Variants in MSRA observed in about 807,000 individuals in gnomAD.
MSRA encodes the protein methionine sulfoxide reductase A, also known as mitochondrial peptide methionine sulfoxide reductase.
MSRA carries 54 observed loss-of-function variants against 31.3 expected under a neutral mutation model. The observed-to-expected ratio is 1.73, with a 90% confidence interval of 1.39 to 2.17. MSRA has a LOEUF of 2.17. MSRA is among the 30% of genes most tolerant of loss of function. The pLI is 0.00. For missense variants in MSRA, 507 were observed against 300.9 expected, an observed-to-expected ratio of 1.69 and a Z score of -5.07; for synonymous variants, 169 against 116.5, an observed-to-expected ratio of 1.45 and a Z score of -2.90.
At chr8:10,401,411 TA>T (rs1394940798) in intron 5 of MSRA, among the ~76,000 whole-genome samples, 4 of 152,088 alleles carry the variant, frequency 2.6e-5, no homozygotes, top group African/African-American at 9.7e-5. Context: ...AAACAGAGAA[TA>T]ATAAGTGTTG....
intron 5 of MSRA, among the ~76,000 whole-genome samples, chr8:10,421,344 A>T (rs1808799726): frequency 6.6e-6 from 1 of 152,160 alleles, no homozygotes; most frequent in Admixed American, 6.5e-5. Flanking sequence ...ACGTGAATAG[A>T]GGGTGGAAGC....
At chr8:10,262,548 T>C (rs1484791999) in intron 3 of MSRA, among the ~76,000 whole-genome samples, 1 of 152,242 alleles carries the variant, frequency 6.6e-6, no homozygotes, top group Non-Finnish European at 1.5e-5. Context: ...TCAGATCTTT[T>C]GCCCATTTTT....
At chr8:10,294,846 CCG>C (rs1380392348) in intron 3 of MSRA, among the ~76,000 whole-genome samples, 1 of 152,040 alleles carries the variant, frequency 6.6e-6, no homozygotes, top group Non-Finnish European at 1.5e-5. Context: ...ACCCTGAGCA[CCG>C]GGACCAGGGC....
In MSRA at chr8:10,350,145, T is replaced by A. The variant is rs1804036012; in HGVS notation, c.543+30156T>A. ...AATCATTAGCCACAATCTGGAGACC[T>A]ACGAGTGGAATTTGGTCTGCAGTCT... On this transcript the variant is annotated intron_variant, in intron 5 of 5. Transcript: ENST00000317173. Among the ~76,000 whole-genome samples, 3 of 152,242 alleles carry A rather than the reference T, an allele frequency of 2.0e-5. No homozygotes were observed. In the South Asian group the frequency reaches 6.2e-4, roughly 32 times the overall value.
intron 5 of MSRA, among the ~76,000 whole-genome samples, chr8:10,333,200 C>T (rs1802808544): frequency 6.6e-6 from 1 of 152,212 alleles, no homozygotes; most frequent in South Asian, 2.1e-4. Flanking sequence ...CACACTCCTA[C>T]TCATCTTTCA....
At chr8:10,159,508 C>T (rs1410883397) in intron 1 of MSRA, among the ~76,000 whole-genome samples, 1 of 152,122 alleles carries the variant, frequency 6.6e-6, no homozygotes, top group Admixed American at 6.6e-5. Context: ...GATGCTTTTG[C>T]CCTTTTAGAA....
At chr8:10,066,745 G>T (rs973370998) in intron 1 of MSRA, among the ~76,000 whole-genome samples, 1 of 151,958 alleles carries the variant, frequency 6.6e-6, no homozygotes, top group African/African-American at 2.4e-5. Flanking sequence ...ATGTTGGCCG[G>T]GCTGGTCTCG....
chr8:10,167,539 C>T (rs554362154), intron 1 of MSRA, among the ~76,000 whole-genome samples: 4 of 152,166 alleles, frequency 2.6e-5, no homozygotes, highest in Admixed American at 1.3e-4. Flanking sequence ...CTGTGTGCGC[C>T]GCATGATAAT....
intron 2 of MSRA, among the ~76,000 whole-genome samples, chr8:10,236,423 A>C (rs79505445): frequency 0.018 from 2,732 of 152,350 alleles, 86 homozygotes; most frequent in African/African-American, 0.06. Flanking sequence ...TGGAAGGTAT[A>C]CTAAAATCAG....
intron 1 of MSRA, among the ~76,000 whole-genome samples, chr8:10,153,928 T>C (rs188682422): frequency 3.0e-4 from 45 of 152,374 alleles, no homozygotes; most frequent in Middle Eastern, 3.4e-3. Flanking sequence ...TTTAACATTA[T>C]ATAGAAATAA....
chr8:10,204,689 T>C (rs920079011), intron 1 of MSRA, among the ~76,000 whole-genome samples: 2 of 152,350 alleles, frequency 1.3e-5, no homozygotes, highest in East Asian at 3.9e-4. Flanking sequence ...CCTGAATATA[T>C]CCCTGTTGTT....
chr8:10,354,363 G>A (rs1421421642), intron 5 of MSRA, among the ~76,000 whole-genome samples: 3 of 152,190 alleles, frequency 2.0e-5, no homozygotes, highest in Admixed American at 6.5e-5. Context: ...ACACAAATGC[G>A]AGGACACAAC....
At chr8:10,276,063 C>G (rs997211564) in intron 3 of MSRA, among the ~76,000 whole-genome samples, 3 of 152,184 alleles carry the variant, frequency 2.0e-5, no homozygotes, top group African/African-American at 7.2e-5. Context: ...CCTCTCGCTC[C>G]GTGTCTGGGC....
intron 5 of MSRA, among the ~76,000 whole-genome samples, chr8:10,340,287 G>C (rs1008298836): frequency 5.3e-5 from 8 of 152,042 alleles, no homozygotes; most frequent in Non-Finnish European, 1.0e-4. Context: ...CCAGGGTATT[G>C]AACTAGATTT....
intron 2 of MSRA, among the ~76,000 whole-genome samples, chr8:10,224,107 T>G (rs753061915): frequency 2.0e-5 from 3 of 152,132 alleles, no homozygotes; most frequent in Non-Finnish European, 4.4e-5. Context: ...AATATGTACG[T>G]TTTATAGGGT....
chr8:10,425,086 TC>T (rs1020859375), intron 5 of MSRA, among the ~76,000 whole-genome samples: 1 of 151,802 alleles, frequency 6.6e-6, no homozygotes, highest in African/African-American at 2.4e-5. Context: ...GTGGTCCCTT[TC>T]CCCTTCTTTC....
In MSRA at chr8:10,076,526, T is replaced by C. The variant is rs182681189; in HGVS notation, c.142+21868T>C. Among the ~76,000 whole-genome samples, 4 of 152,344 alleles carry C rather than the reference T, an allele frequency of 2.6e-5. No homozygotes were observed. The East Asian group carries it at 5.8e-4, about 22-fold the overall frequency. On this transcript the variant is annotated intron_variant, in intron 1 of 5. Coordinates refer to ENST00000317173, the MANE Select transcript of MSRA (RefSeq NM_012331.5). Reference sequence around the variant, plus strand: ...GAAAAGATTCTCTCAAAATGACTCTTGATGGTCAACATGGGTGTGCATTTA... The same window carrying C: ...GAAAAGATTCTCTCAAAATGACTCTCGATGGTCAACATGGGTGTGCATTTA...
chr8:10,171,821 C>G (rs1005361069), intron 1 of MSRA, among the ~76,000 whole-genome samples: 28 of 152,156 alleles, frequency 1.8e-4, no homozygotes, highest in African/African-American at 6.8e-4. Flanking sequence ...ATTCTGTTAA[C>G]AACTGCTTGA....
chr8:10,400,367 G>GTC (rs1563437472), intron 5 of MSRA, among the ~76,000 whole-genome samples: 1 of 31,574 alleles, frequency 3.2e-5, no homozygotes, highest in African/African-American at 4.8e-5. Context: ...GGCTCTGTGT[G>GTC]TGTGTGTGTG....
Sources: allele counts gnomAD v4.1 joint callset (sites outside exome capture counted in the v4.1 genomes callset), GRCh38; gene constraint gnomAD v4.1.1; transcripts MANE v1.5; gene names NCBI Gene and HGNC (gene_info 2026-07-23, HGNC 2026-07-21).